The following CENPP variants were observed in gnomAD, a reference collection of about 807,000 sequenced individuals.
CENPP encodes the protein centromere protein P.
A neutral mutation model predicts 35.6 loss-of-function variants in CENPP; 24 were observed. The observed-to-expected ratio is 0.67, with a 90% CI of 0.49 to 0.95. The LOEUF (loss-of-function observed/expected upper bound fraction) is 0.95, where lower values mean the gene tolerates loss of function less well. Among genes scored for constraint, CENPP ranks in the 40% least tolerant of loss-of-function variants. CENPP has a pLI of 0.00. For missense variants in CENPP, 332 were observed against 345.3 expected (o/e 0.96, Z 0.31); for synonymous variants, 120 against 125.5 (o/e 0.96, Z 0.29).
At chr9:92,418,053 C>T (rs966517767) in intron 5 of CENPP, among the ~76,000 whole-genome samples, 45 of 150,712 alleles carry the variant, frequency 3.0e-4, no homozygotes, top group Non-Finnish European at 4.4e-4. Flanking sequence ...TGTTTAAGTA[C>T]AAATGAAGTG....
At chr9:92,433,022 G>T (rs938818854) in intron 5 of CENPP, among the ~76,000 whole-genome samples, 2 of 152,100 alleles carry the variant, frequency 1.3e-5, no homozygotes, top group Non-Finnish European at 2.9e-5. Flanking sequence ...AAAACATACC[G>T]TGAGATACCA....
intron 5 of CENPP, chr9:92,536,014 A>T (rs1275055945): frequency 2.0e-6 from 1 of 510,724 alleles, no homozygotes; most frequent in Admixed American, 2.0e-5. Flanking sequence ...AGCTTTCTTT[A>T]AAAACAAAGA....
intron 5 of CENPP, among the ~76,000 whole-genome samples, chr9:92,548,506 C>G (rs1032802832): frequency 1.3e-5 from 2 of 152,026 alleles, no homozygotes; most frequent in African/African-American, 4.8e-5. Flanking sequence ...TTCTACAACA[C>G]AAATGTAGTA....
rs1043249632 is a variant in CENPP, at chr9:92,616,956, G to A, written c.*3807G>A. 4 of 152,182 alleles carry A rather than the reference G, an allele frequency of 2.6e-5. No individual in the cohort carries two copies. Among genetic ancestry groups the A allele is most frequent in the African/African-American group, 9.7e-5 (4 of 41,420 alleles). 9.4% of individuals were successfully genotyped at this position (152,182 alleles called of 1,614,324 possible). On this transcript the variant is annotated 3_prime_UTR_variant, in exon 8 of 8. Transcript: ENST00000375587. ...AACCCCAACTTCAAAAGCTCCTGCCGAGGAGAGGAAATACTGATCAGCACG... is the reference window on the plus strand; with the variant it reads ...AACCCCAACTTCAAAAGCTCCTGCCAAGGAGAGGAAATACTGATCAGCACG...
intron 5 of CENPP, among the ~76,000 whole-genome samples, chr9:92,588,428 T>G (rs1379597966): frequency 2.0e-5 from 3 of 151,748 alleles, no homozygotes; most frequent in Non-Finnish European, 4.4e-5. Context: ...TTTGTATTTT[T>G]TTTTTTAGTA....
At chr9:92,544,876 C>T (rs1849397573) in intron 5 of CENPP, among the ~76,000 whole-genome samples, 2 of 151,966 alleles carry the variant, frequency 1.3e-5, no homozygotes, top group Admixed American at 1.3e-4. Flanking sequence ...CCACCACACC[C>T]AGCTAAATTT....
At chr9:92,332,083 A>G in intron 1 of CENPP, 87 bp from the exon 2 acceptor site, 1 of 776,292 alleles carries the variant, frequency 1.3e-6, no homozygotes, top group Non-Finnish European at 2.0e-6. Flanking sequence ...AAGAGGGACA[A>G]AATGGGAATG....
intron 5 of CENPP, among the ~76,000 whole-genome samples, chr9:92,524,502 A>C (rs1298138534): frequency 2.6e-5 from 4 of 152,170 alleles, no homozygotes; most frequent in Non-Finnish European, 5.9e-5. Context: ...CTCTTGGCCT[A>C]AAGTTAGTCC....
At chr9:92,573,033 C>T (rs1850184264) in intron 5 of CENPP, among the ~76,000 whole-genome samples, 1 of 152,054 alleles carries the variant, frequency 6.6e-6, no homozygotes. Context: ...GCGATGGGTT[C>T]GAACATCCTC....
intron 5 of CENPP, among the ~76,000 whole-genome samples, chr9:92,521,839 A>G (rs1848088476): frequency 6.6e-6 from 1 of 152,156 alleles, no homozygotes; most frequent in African/African-American, 2.4e-5. Context: ...TGAATAATTT[A>G]TTTCTGTATT....
chr9:92,464,596 T>C, intron 5 of CENPP: 1 of 466,284 alleles, frequency 2.1e-6, no homozygotes, highest in South Asian at 1.6e-5. Flanking sequence ...TGCTTTCTTC[T>C]GTATAGAATT....
chr9:92,584,640 C>G (rs925755748), intron 5 of CENPP, among the ~76,000 whole-genome samples: 10 of 152,150 alleles, frequency 6.6e-5, no homozygotes, highest in African/African-American at 2.4e-4. Context: ...TCGTTTTAAC[C>G]AGTTAGTTGT....
chr9:92,328,458 AG>A (rs899741461), intron 1 of CENPP, among the ~76,000 whole-genome samples: 1 of 152,198 alleles, frequency 6.6e-6, no homozygotes, highest in African/African-American at 2.4e-5. Context: ...ATCTTGGTTA[AG>A]TGAGCTCCCC....
At chr9:92,565,321 A>T (rs1327802315) in intron 5 of CENPP, among the ~76,000 whole-genome samples, 3 of 151,106 alleles carry the variant, frequency 2.0e-5, no homozygotes, top group Non-Finnish European at 2.9e-5. Flanking sequence ...AAAAAAAAAA[A>T]AATCATAATG....
At chr9:92,411,619 T>G (rs898029563) in intron 5 of CENPP, among the ~76,000 whole-genome samples, 1 of 152,206 alleles carries the variant, frequency 6.6e-6, no homozygotes, top group Non-Finnish European at 1.5e-5. Context: ...TGAATTGCAA[T>G]TTTATTATTT....
rs1842625825 is a variant in CENPP, at chr9:92,390,473, C to A, written c.564+10614C>A. ...GTGATTCTGAGTATGTTATCTTAATCTTAATCTCTCTATGCCTTATCGCTT... is the reference window on the plus strand; with the variant it reads ...GTGATTCTGAGTATGTTATCTTAATATTAATCTCTCTATGCCTTATCGCTT... On this transcript the variant is annotated intron_variant, in intron 5 of 7. Coordinates refer to ENST00000375587, the MANE Select transcript of CENPP (RefSeq NM_001012267.3). 2.0e-5 allele frequency among the ~76,000 whole-genome samples: 3 copies of A among 152,036 alleles called. No homozygotes were observed. In the South Asian group the frequency reaches 6.2e-4, roughly 32 times the overall value.
chr9:92,597,557 T>C (rs747488111), intron 5 of CENPP, among the ~76,000 whole-genome samples: 1 of 152,246 alleles, frequency 6.6e-6, no homozygotes. Context: ...TTATCTGTTA[T>C]AATTACATAT....
At chr9:92,352,200 T>C (rs1192949050) in intron 4 of CENPP, among the ~76,000 whole-genome samples, 1 of 150,312 alleles carries the variant, frequency 6.7e-6, no homozygotes, top group Non-Finnish European at 1.5e-5. Flanking sequence ...AGAAACCCTG[T>C]CTATACTAAA....
chr9:92,429,485 A>G (rs148925436), intron 5 of CENPP, among the ~76,000 whole-genome samples: 246 of 152,270 alleles, frequency 1.6e-3, no homozygotes, highest in African/African-American at 5.7e-3. Flanking sequence ...AATTACCTGA[A>G]TATAATCTTG....
Sources: allele counts gnomAD v4.1 joint callset (sites outside exome capture counted in the v4.1 genomes callset), GRCh38; gene constraint gnomAD v4.1.1; transcripts MANE v1.5; gene names NCBI Gene and HGNC (gene_info 2026-07-23, HGNC 2026-07-21).